NUDC: variants seen among roughly 807,000 people sequenced by gnomAD.
The protein encoded by NUDC is nuclear migration protein nudC.
In NUDC, 14 loss-of-function variants were observed where a neutral mutation model predicts 45.0. The ratio of observed to expected loss-of-function variants is 0.31; its 90% CI spans 0.21 to 0.49. NUDC has a LOEUF of 0.49. NUDC is among the 20% of genes least tolerant of loss of function. The pLI, the probability that NUDC is intolerant of heterozygous loss-of-function variation, is 0.99. For missense variants in NUDC, 323 were observed against 426.2 expected, an observed-to-expected ratio of 0.76 and a Z score of 2.13; for synonymous variants, 153 against 156.7, an observed-to-expected ratio of 0.98 and a Z score of 0.17.
upstream of NUDC, among the ~76,000 whole-genome samples, chr1:26,921,109 G>A (rs1038407944): frequency 3.9e-5 from 6 of 152,186 alleles, no homozygotes; most frequent in African/African-American, 1.4e-4. Flanking sequence ...GGATGGCTGG[G>A]TCCTGTCCCC....
At chr1:26,941,846 G>C (rs746538363) in intron 4 of NUDC, 28 bp downstream of exon 4, 3 of 1,609,092 alleles carry the variant, frequency 1.9e-6, no homozygotes, top group Non-Finnish European at 2.5e-6. Flanking sequence ...GACTTGGGAT[G>C]AGCCAGGAGC....
chr1:26,915,004 T>C (rs2082054164), intron 3 of NUDC, among the ~76,000 whole-genome samples: 1 of 147,714 alleles, frequency 6.8e-6, no homozygotes, highest in African/African-American at 2.5e-5. Context: ...TATATGTATA[T>C]GTATATGTAT....
rs756000570 is a variant in NUDC, at chr1:26,941,786, A to G, written c.397A>G (p.Lys133Glu). The G allele has an allele frequency of 6.2e-7, 1 of 1,613,732 alleles. No individual in the cohort carries two copies. Among genetic ancestry groups the G allele is most frequent in the South Asian group, 1.1e-5 (1 of 91,060 alleles). ...KDAENHEAQL[K>E]NGSLDSPGKQ... ...TGCAGAGAATCATGAGGCCCAGCTC[A>G]AGAACGGCAGCCTTGACTCCCCAGG... The change falls in exon 4 of 9, where the codon AAG becomes GAG. Residue 133 changes from lysine (K) to glutamate (E), a missense_variant. This residue lies in a region of NUDC where 245 missense variants were observed against 278.8 expected (regional missense o/e 0.88). Transcript: ENST00000321265.
At chr1:26,940,444 C>T (rs2082267268) in intron 2 of NUDC, among the ~76,000 whole-genome samples, 1 of 150,528 alleles carries the variant, frequency 6.6e-6, no homozygotes, top group Admixed American at 6.6e-5. Flanking sequence ...CCACTGCACT[C>T]CAGCCTGGGC....
intron 3 of NUDC, chr1:26,911,691 G>C (rs1392507364): frequency 7.0e-6 from 6 of 853,160 alleles, no homozygotes; most frequent in Non-Finnish European, 1.2e-5. Flanking sequence ...GTCCAATGTG[G>C]GGTGTGGCTG....
intron 1 of NUDC, 127 bp downstream of exon 1, chr1:26,922,056 C>G (rs1218445961): frequency 3.1e-6 from 3 of 962,118 alleles, no homozygotes; most frequent in Admixed American, 4.2e-5. Flanking sequence ...TACATTCTCA[C>G]TGCGCCCAGC....
intron 2 of NUDC, among the ~76,000 whole-genome samples, chr1:26,924,851 A>G (rs2082118394): frequency 6.6e-6 from 1 of 150,798 alleles, no homozygotes; most frequent in Admixed American, 6.6e-5. Context: ...GTGCCTGGCC[A>G]GGAGGTTTTA....
chr1:26,921,720 G>A (rs1211109002), upstream of NUDC: 2 of 998,684 alleles, frequency 2.0e-6, no homozygotes, highest in South Asian at 1.4e-5. Context: ...GCAGCCGCGC[G>A]CGTGCGTGTT....
At chr1:26,913,404 C>G in intron 3 of NUDC, 1 of 1,614,042 alleles carries the variant, frequency 6.2e-7, no homozygotes, top group East Asian at 2.2e-5. Context: ...TGTCTGGGAG[C>G]TCACCGGGGT....
chr1:26,935,799 C>T (rs568576525), intron 2 of NUDC, among the ~76,000 whole-genome samples: 1 of 151,504 alleles, frequency 6.6e-6, no homozygotes, highest in South Asian at 2.1e-4. Context: ...GTGATAGAAA[C>T]CTGTAAATTA....
intron 2 of NUDC, among the ~76,000 whole-genome samples, chr1:26,934,833 G>C (rs760785049): frequency 6.6e-5 from 10 of 151,338 alleles, no homozygotes; most frequent in Middle Eastern, 6.8e-3. Context: ...AATTTTTTGT[G>C]TTTTTAGTAA....
chr1:26,904,810 A>G (rs1332539997), intron 2 of NUDC, among the ~76,000 whole-genome samples: 1 of 151,884 alleles, frequency 6.6e-6, no homozygotes, highest in Non-Finnish European at 1.5e-5. Flanking sequence ...AAGTTCACAC[A>G]TGGTAAATTA....
rs778173803 is a variant in NUDC at position 26,941,485 on chromosome 1, A to G, written c.188A>G (p.Asn63Ser). 10 of 1,614,056 alleles carry G rather than the reference A, an allele frequency of 6.2e-6. No individual in the cohort carries two copies. The highest frequency in any genetic ancestry group is 1.7e-5 in the Admixed American group (1 of 60,020). ...ATCACACAGACTTTCAGCCACCACA[A>G]TCAGCTGGCACAGAAGACCCGGCGG... Reference protein sequence around the residue: ...KLITQTFSHHNQLAQKTRREK... With the variant: ...KLITQTFSHHSQLAQKTRREK... The change falls in exon 3 of 9, where the codon AAT (asparagine) becomes AGT (serine). Residue 63 changes from asparagine (N) to serine (S), a missense_variant. By Grantham distance (46) the Asn-to-Ser change is conservative. Around this residue, in one of 3 missense-constraint regions of NUDC, gnomAD observed 245 missense variants for 278.8 expected, o/e 0.88. Coordinates refer to ENST00000321265, the MANE Select transcript of NUDC (RefSeq NM_006600.4).
At chr1:26,910,923 G>A (rs2082022622) in intron 2 of NUDC, among the ~76,000 whole-genome samples, 1 of 152,196 alleles carries the variant, frequency 6.6e-6, no homozygotes, top group Non-Finnish European at 1.5e-5. Flanking sequence ...GGGCAGGGAA[G>A]GAAACTGGGG....
intron 2 of NUDC, among the ~76,000 whole-genome samples, chr1:26,928,709 C>T (rs995495691): frequency 6.6e-6 from 1 of 152,042 alleles, no homozygotes; most frequent in African/African-American, 2.4e-5. Context: ...AAACAAAACC[C>T]ACAATGAGAT....
chr1:26,904,930 G>T (rs2124049686), intron 2 of NUDC, among the ~76,000 whole-genome samples: 1 of 150,484 alleles, frequency 6.6e-6, no homozygotes, highest in East Asian at 2.0e-4. Context: ...TCCGCCTCCT[G>T]GGTTCAAGTG....
At chr1:26,914,199 C>T (rs12565886) in intron 3 of NUDC, among the ~76,000 whole-genome samples, 2 of 152,206 alleles carry the variant, frequency 1.3e-5, no homozygotes, top group Non-Finnish European at 2.9e-5. Context: ...ACAGGGCCAC[C>T]TGCCGCTCAC....
In NUDC at chr1:26,938,706, T is replaced by C. The variant is rs557739077; in HGVS notation, c.160-2751T>C. 3.3e-5 allele frequency among the ~76,000 whole-genome samples: 5 copies of C among 152,314 alleles called. No homozygotes were observed. The East Asian group carries it at 9.7e-4, about 29-fold the overall frequency. On this transcript the variant is annotated intron_variant, in intron 2 of 8. Coordinates refer to ENST00000321265, the MANE Select transcript of NUDC (RefSeq NM_006600.4). ...GGTCTGGGGGCCCGTGGGTGACTTC[T>C]GTGACCTTGAGCCCCTGCAGAGCTT... is the stretch of plus-strand genomic sequence containing the variant.
intron 2 of NUDC, among the ~76,000 whole-genome samples, chr1:26,926,262 T>A (rs1477184409): frequency 6.6e-6 from 1 of 152,212 alleles, no homozygotes; most frequent in Non-Finnish European, 1.5e-5. Flanking sequence ...TTTCTGTGGC[T>A]TCAGGATTCT....
Sources: gnomAD v4.1 joint callset for allele counts (sites outside exome capture counted in the v4.1 genomes callset) on GRCh38, gnomAD v4.1.1 for gene constraint, gnomAD v4.1.1 regional missense constraint, MANE v1.5 for transcripts, NCBI Gene and HGNC (gene_info 2026-07-23, HGNC 2026-07-21) for gene names.